Variants in ENOX1 observed in about 807,000 individuals in gnomAD.
ENOX1 encodes the protein candidate growth-related and time keeping constitutive hydroquinone (NADH) oxidase.
A neutral mutation model predicts 82.5 loss-of-function variants in ENOX1; 42 were observed. That is an observed-to-expected ratio of 0.51 (90% confidence interval 0.40 to 0.66). The LOEUF is 0.66. ENOX1 is among the 30% of genes least tolerant of loss of function. The probability of loss-of-function intolerance (pLI) is 0.00; values close to 1 mark genes in which losing one functional copy is unlikely to be tolerated. For missense variants in ENOX1, 608 were observed against 811.6 expected (o/e 0.75, Z 3.05); for synonymous variants, 271 against 282.2 (o/e 0.96, Z 0.40).
chr13:43,499,920 G>A (rs886979573), intron 2 of ENOX1, among the ~76,000 whole-genome samples: 5 of 151,944 alleles, frequency 3.3e-5, no homozygotes, highest in Non-Finnish European at 4.4e-5. Flanking sequence ...AGAAATTCTG[G>A]AGCTGCAGTT....
In ENOX1 at chr13:43,350,889, AG is replaced by A. The variant is rs1348560162; in HGVS notation, c.823+5029del. ...TCCTTATTTACAGCTGGGTCTATAA[AG>A]GAACAATGAGGAGACAGGGATTTTA... On this transcript the variant is annotated intron_variant, in intron 8 of 16. Transcript: ENST00000690772. Among the ~76,000 whole-genome samples, 3 of 152,364 alleles carry A rather than the reference AG, an allele frequency of 2.0e-5. No individual in the cohort carries two copies. In the East Asian group the frequency reaches 5.8e-4, roughly 29 times the overall value.
At chr13:43,342,224 A>G (rs1014881548) in intron 9 of ENOX1, among the ~76,000 whole-genome samples, 3 of 152,200 alleles carry the variant, frequency 2.0e-5, no homozygotes, top group Non-Finnish European at 4.4e-5. Flanking sequence ...GCCGTGTCTA[A>G]CTGACACATC....
intron 5 of ENOX1, among the ~76,000 whole-genome samples, chr13:43,411,325 T>C (rs74532738): frequency 6.6e-6 from 1 of 152,342 alleles, no homozygotes; most frequent in African/African-American, 2.4e-5. Flanking sequence ...AATTCAATGG[T>C]TAAATCTTTT....
chr13:43,544,457 C>A (rs375421975), intron 2 of ENOX1: 1 of 152,110 alleles, frequency 6.6e-6, no homozygotes, highest in Non-Finnish European at 1.5e-5. Flanking sequence ...TATAAGCAGG[C>A]CTCTTGTTGT....
chr13:43,213,321 T>C lies in ENOX1; in HGVS notation c.*669A>G, dbSNP rs988778958. 1.3e-5 allele frequency among the ~76,000 whole-genome samples: 2 copies of C among 152,122 alleles called. No individual in the cohort carries two copies. The highest frequency in any genetic ancestry group is 4.8e-5 in the African/African-American group (2 of 41,438). The stretch of plus-strand genomic sequence containing the variant: ...ATGCAGTCCATGTTAAAAGAACTTA[T>C]GATGGAGAATTGTTACATTAGAAAA... On this transcript the variant is annotated 3_prime_UTR_variant, in exon 17 of 17. Coordinates refer to ENST00000690772, the MANE Select transcript of ENOX1 (RefSeq NM_001347969.2).
intron 2 of ENOX1, among the ~76,000 whole-genome samples, chr13:43,635,783 C>T (rs954181641): frequency 6.6e-6 from 1 of 152,028 alleles, no homozygotes; most frequent in African/African-American, 2.4e-5. Flanking sequence ...AGAGAGCGAG[C>T]GAGCACACAC....
chr13:43,359,457 T>A (rs973272149), intron 7 of ENOX1, among the ~76,000 whole-genome samples: 2 of 152,218 alleles, frequency 1.3e-5, no homozygotes, highest in South Asian at 4.1e-4. Flanking sequence ...TGACCTTGCT[T>A]TGGTACCTTG....
intron 11 of ENOX1, among the ~76,000 whole-genome samples, chr13:43,314,376 G>T (rs1566489772): frequency 6.6e-6 from 1 of 152,180 alleles, no homozygotes; most frequent in Non-Finnish European, 1.5e-5. Context: ...TAGTTATGTG[G>T]CTCTTAACTA....
In ENOX1 at chr13:43,616,089, T is replaced by TAG. The variant is rs1247646454; in HGVS notation, c.-219+51389_-219+51390insCT. Reference sequence around the variant, plus strand: ...GTGTCTTTAAGTTTGACATTATATATATATATCTATATAGATAGATATCTA... The same window carrying TAG: ...GTGTCTTTAAGTTTGACATTATATATAGATATATCTATATAGATAGATATCTA... On this transcript the variant is annotated intron_variant, in intron 2 of 16. Coordinates refer to ENST00000690772, the MANE Select transcript of ENOX1 (RefSeq NM_001347969.2). Among the ~76,000 whole-genome samples the TAG allele has an allele frequency of 6.6e-3, 598 of 91,200 alleles. 71 individuals carry two copies. The highest frequency in any genetic ancestry group is 0.019 in the African/African-American group (555 of 29,672). The allele number at this position is 91,200 out of a possible 152,430, so 59.8% of individuals were successfully genotyped here. A position where few individuals can be genotyped will look rare whatever the true frequency, so the allele number is the denominator to read the frequency against.
At chr13:43,292,623 TA>T (rs34528970) in intron 12 of ENOX1, among the ~76,000 whole-genome samples, 28,941 of 149,090 alleles carry the variant, frequency 0.19, 3,099 homozygotes, top group Non-Finnish European at 0.25. Flanking sequence ...GGACAAGGTT[TA>T]AAAAAAAAAA....
At chr13:43,309,169 G>A (rs980561042) in intron 11 of ENOX1, among the ~76,000 whole-genome samples, 1 of 151,788 alleles carries the variant, frequency 6.6e-6, no homozygotes, top group Non-Finnish European at 1.5e-5. Context: ...TTACAGGTGT[G>A]TGCCACCACA....
chr13:43,292,104 G>A (rs2046033128), intron 12 of ENOX1, among the ~76,000 whole-genome samples: 1 of 152,064 alleles, frequency 6.6e-6, no homozygotes, highest in East Asian at 1.9e-4. Context: ...GAGAGAGACT[G>A]AAACACAATA....
intron 3 of ENOX1, among the ~76,000 whole-genome samples, chr13:43,455,154 T>A (rs1323144): frequency 0.44 from 66,137 of 152,016 alleles, 14,934 homozygotes; most frequent in Non-Finnish European, 0.5. Context: ...CTCATGTGTC[T>A]GAAAATGTCT....
intron 1 of ENOX1, among the ~76,000 whole-genome samples, chr13:43,779,345 G>T (rs993652286): frequency 5.3e-5 from 8 of 152,178 alleles, no homozygotes; most frequent in Admixed American, 3.3e-4. Context: ...AGCACAGGTT[G>T]TCTAGCTGGC....
chr13:43,291,294 G>A (rs1047855715), intron 12 of ENOX1, among the ~76,000 whole-genome samples: 2 of 152,178 alleles, frequency 1.3e-5, no homozygotes, highest in Non-Finnish European at 2.9e-5. Context: ...ACATGCATGG[G>A]GGCTTAGGCG....
intron 9 of ENOX1, among the ~76,000 whole-genome samples, chr13:43,342,983 T>G (rs1276234062): frequency 6.6e-6 from 1 of 152,232 alleles, no homozygotes; most frequent in Non-Finnish European, 1.5e-5. Flanking sequence ...GCTGCCCTCT[T>G]ATCTTTATTG....
chr13:43,348,238 C>G (rs1289059000), intron 8 of ENOX1, among the ~76,000 whole-genome samples: 1 of 152,226 alleles, frequency 6.6e-6, no homozygotes, highest in Non-Finnish European at 1.5e-5. Flanking sequence ...TGCTATGTTT[C>G]CACAATTCCC....
intron 1 of ENOX1, among the ~76,000 whole-genome samples, chr13:43,785,998 G>A (rs1952579742): frequency 6.6e-6 from 1 of 152,116 alleles, no homozygotes; most frequent in South Asian, 2.1e-4. Flanking sequence ...CTGCCCCAGT[G>A]CCTCCTTTAC....
chr13:43,724,575 G>A (rs1038102236), intron 1 of ENOX1, among the ~76,000 whole-genome samples: 3 of 152,162 alleles, frequency 2.0e-5, no homozygotes, highest in Non-Finnish European at 4.4e-5. Context: ...CTGATTAGCA[G>A]GATAGTAGAA....
Sources: allele counts gnomAD v4.1 joint callset (sites outside exome capture counted in the v4.1 genomes callset), GRCh38; gene constraint gnomAD v4.1.1; transcripts MANE v1.5; gene names NCBI Gene and HGNC (gene_info 2026-07-23, HGNC 2026-07-21).